The following RALYL variants were observed in gnomAD, a reference collection of about 807,000 sequenced individuals.
The protein encoded by RALYL is RALY RNA binding protein like, also known as RNA-binding Raly-like protein.
A neutral mutation model predicts 35.1 loss-of-function variants in RALYL; 29 were observed. That is an observed-to-expected ratio of 0.83 (90% confidence interval 0.61 to 1.13). The LOEUF is 1.13. RALYL is among the 50% of genes most tolerant of loss of function. RALYL has a pLI of 0.00. For missense variants in RALYL, 359 were observed against 360.4 expected (o/e 1.00, Z 0.03); for synonymous variants, 120 against 127.6 (o/e 0.94, Z 0.40).
chr8:84,762,704 CAAT>C (rs2133384900), intron 2 of RALYL, among the ~76,000 whole-genome samples: 1 of 152,180 alleles, frequency 6.6e-6, no homozygotes, highest in South Asian at 2.1e-4. Context: ...TTCTGAACTT[CAAT>C]ATCTATAACT....
intron 2 of RALYL, among the ~76,000 whole-genome samples, chr8:84,702,580 TTC>T (rs767634767): frequency 9.5e-5 from 14 of 147,940 alleles, no homozygotes; most frequent in Non-Finnish European, 1.9e-4. Flanking sequence ...TTCTTTCCCT[TTC>T]TCTCTTCCTC....
chr8:84,218,536 C>A (rs565563430), intron 1 of RALYL, among the ~76,000 whole-genome samples: 4 of 151,948 alleles, frequency 2.6e-5, no homozygotes, highest in Non-Finnish European at 5.9e-5. Context: ...ACACAGATTA[C>A]TCTGGTGCAA....
intron 1 of RALYL, among the ~76,000 whole-genome samples, chr8:84,359,528 A>G (rs1282984662): frequency 2.0e-5 from 3 of 152,074 alleles, no homozygotes; most frequent in Non-Finnish European, 4.4e-5. Flanking sequence ...AAAAAGAAGT[A>G]TTTTAGTCAT....
intron 2 of RALYL, among the ~76,000 whole-genome samples, chr8:84,607,557 C>T (rs1451712632): frequency 1.3e-5 from 2 of 152,090 alleles, no homozygotes; most frequent in Non-Finnish European, 2.9e-5. Context: ...CATAGGTAGA[C>T]CACAGAATCC....
intron 2 of RALYL, among the ~76,000 whole-genome samples, chr8:84,591,703 T>C (rs1337829929): frequency 6.6e-6 from 1 of 152,136 alleles, no homozygotes; most frequent in East Asian, 1.9e-4. Context: ...ACTCATAAAA[T>C]ACTTCTACAT....
chr8:84,777,702 C>T (rs911653168), intron 3 of RALYL, among the ~76,000 whole-genome samples: 1 of 152,092 alleles, frequency 6.6e-6, no homozygotes, highest in African/African-American at 2.4e-5. Flanking sequence ...AGTGCAGTGT[C>T]GTGATCTCAG....
chr8:84,646,453 T>C (rs997607236), intron 2 of RALYL, among the ~76,000 whole-genome samples: 2 of 152,050 alleles, frequency 1.3e-5, no homozygotes, highest in Admixed American at 1.3e-4. Context: ...TTAATTTAGT[T>C]TGGGGGATTG....
At chr8:84,767,778 G>A (rs756354839) in intron 2 of RALYL, among the ~76,000 whole-genome samples, 2 of 152,140 alleles carry the variant, frequency 1.3e-5, no homozygotes, top group Non-Finnish European at 2.9e-5. Flanking sequence ...TTTAAATGGT[G>A]CCTGTTTGGT....
At chr8:84,462,815 C>T (rs949425264) in intron 1 of RALYL, among the ~76,000 whole-genome samples, 1 of 151,704 alleles carries the variant, frequency 6.6e-6, no homozygotes, top group Non-Finnish European at 1.5e-5. Context: ...TTTCTAGCCA[C>T]TTTTATAATG....
At chr8:84,203,071 A>C (rs999378148) in intron 1 of RALYL, among the ~76,000 whole-genome samples, 6 of 152,188 alleles carry the variant, frequency 3.9e-5, no homozygotes, top group Non-Finnish European at 5.9e-5. Context: ...TCGCAAAGGA[A>C]AAAGAATGGA....
At chr8:84,596,217 C>T (rs907782554) in intron 2 of RALYL, among the ~76,000 whole-genome samples, 1 of 151,902 alleles carries the variant, frequency 6.6e-6, no homozygotes, top group Admixed American at 6.6e-5. Context: ...TTGGTGTGTC[C>T]CCTTGCCCAT....
chr8:84,430,614 A>G (rs2047043464), intron 1 of RALYL, among the ~76,000 whole-genome samples: 2 of 152,246 alleles, frequency 1.3e-5, no homozygotes, highest in Admixed American at 6.6e-5. Flanking sequence ...TGGCTCTGGA[A>G]AAAATCATGT....
intron 1 of RALYL, among the ~76,000 whole-genome samples, chr8:84,379,937 A>G (rs1186462872): frequency 2.6e-5 from 4 of 151,822 alleles, no homozygotes; most frequent in African/African-American, 4.8e-5. Context: ...TTCATTAAAC[A>G]TCATAATAGT....
At chr8:84,914,386 C>T (rs1031128400) in intron 8 of RALYL, among the ~76,000 whole-genome samples, 1 of 151,934 alleles carries the variant, frequency 6.6e-6, no homozygotes, top group Non-Finnish European at 1.5e-5. Flanking sequence ...CATGATCAAA[C>T]ATAAATTATG....
intron 1 of RALYL, among the ~76,000 whole-genome samples, chr8:84,468,728 C>A (rs959964738): frequency 1.3e-4 from 20 of 151,112 alleles, no homozygotes; most frequent in East Asian, 1.9e-4. Flanking sequence ...GGATAATATC[C>A]TGCAGAGTGT....
At chr8:84,592,123 C>T (rs1380236586) in intron 2 of RALYL, among the ~76,000 whole-genome samples, 1 of 152,050 alleles carries the variant, frequency 6.6e-6, no homozygotes, top group Non-Finnish European at 1.5e-5. Context: ...AAAAGAAAAG[C>T]AAGGACAATC....
chr8:84,756,611 A>G (rs1811467121), intron 2 of RALYL, among the ~76,000 whole-genome samples: 1 of 152,136 alleles, frequency 6.6e-6, no homozygotes, highest in African/African-American at 2.4e-5. Flanking sequence ...ATAATAATTT[A>G]TACAACGTCA....
At position 84,638,965 on chromosome 8, in the gene RALYL, G is replaced by GACACAC. The variant is rs60361195; in HGVS notation, c.256+109420_256+109425dup. ...ATATATATGTACACACACACACACA[G>GACACAC]ACACACACACACACACACACACACA... is the stretch of plus-strand genomic sequence containing the variant. On this transcript the variant is annotated intron_variant, in intron 2 of 8. Coordinates refer to ENST00000521268, the MANE Select transcript of RALYL (RefSeq NM_173848.7). Among the ~76,000 whole-genome samples, 910 of 116,062 alleles carry GACACAC rather than the reference G, an allele frequency of 7.8e-3. 14 individuals are homozygous for GACACAC. The highest frequency in any genetic ancestry group is 0.029 in the South Asian group (102 of 3,546). 76.1% of individuals were successfully genotyped at this position (116,062 alleles called of 152,430 possible).
intron 1 of RALYL, among the ~76,000 whole-genome samples, chr8:84,259,662 C>T (rs1042770453): frequency 1.3e-5 from 2 of 152,100 alleles, no homozygotes; most frequent in Non-Finnish European, 2.9e-5. Flanking sequence ...CCTGATTATG[C>T]TTGTATACAG....
Sources: allele counts gnomAD v4.1 joint callset (sites outside exome capture counted in the v4.1 genomes callset), GRCh38; gene constraint gnomAD v4.1.1; transcripts MANE v1.5; gene names NCBI Gene and HGNC (gene_info 2026-07-23, HGNC 2026-07-21).